Variants in DDTL observed in about 807,000 individuals in gnomAD.
DDTL encodes D-dopachrome tautomerase like, also known as putative D-dopachrome decarboxylase-like protein.
Under a neutral mutation model 1.1 loss-of-function variants are expected in DDTL, and 1 was observed. The observed-to-expected ratio is 0.91, with a 90% CI of 0.32 to 4.31. DDTL has a LOEUF of 4.31. Ranked by LOEUF, DDTL falls within the 30% of genes most tolerant of loss-of-function variation. The pLI, the probability that DDTL is intolerant of heterozygous loss-of-function variation, is 0.17. For synonymous variants in DDTL, 21 were observed against 16.6 expected, an observed-to-expected ratio of 1.26 and a Z score of -0.64; for missense variants, 54 against 48.9, an observed-to-expected ratio of 1.10 and a Z score of -0.31.
Position 23,971,320 on chromosome 22 carries a change from C to A in DDTL, c.319C>A (p.His107Asn). 1 of 1,614,052 alleles carries A rather than the reference C, an allele frequency of 6.2e-7. No homozygotes were observed. The highest frequency in any genetic ancestry group is 8.5e-7 in the Non-Finnish European group (1 of 1,179,978). Residue 107 changes from histidine to asparagine, a missense_variant, in exon 3 of 3, where the codon CAT becomes AAT. Coordinates refer to ENST00000215770, the MANE Select transcript of DDTL (RefSeq NM_001084393.2). ...GGTCTTATCCACCAGCCCTGCTGCC[C>A]ATGGTGGCCCCAGATGCCCAGGAGA... ...PTVLSTSPAA[H>N]GGPRCPGEII... is the part of the protein sequence containing the mutation.
At chr22:23,969,373 G>A (rs963799449) in intron 2 of DDTL, 160 of 985,008 alleles carry the variant, frequency 1.6e-4, no homozygotes, top group Non-Finnish European at 1.9e-4. Flanking sequence ...TCCTTAGGGA[G>A]TCTGCAATTA....
Position 23,972,198 on chromosome 22 carries a change from T to C in DDTL, c.*792T>C, listed in dbSNP as rs2146210570. ...ATCTACCTCATGGGGATAGCATGTC[T>C]TGTCTGAGCAAAGGGAGAGTGGATA... is the stretch of plus-strand genomic sequence containing the variant. On this transcript the variant is annotated 3_prime_UTR_variant, in exon 3 of 3. Coordinates refer to ENST00000215770, the MANE Select transcript of DDTL (RefSeq NM_001084393.2). The C allele has an allele frequency of 1.1e-6, 1 of 888,578 alleles. No individual in the cohort carries two copies. Among genetic ancestry groups the C allele is most frequent in the South Asian group, 5.2e-5 (1 of 19,218 alleles). 55.0% of individuals were successfully genotyped at this position (888,578 alleles called of 1,614,324 possible). A position where few individuals can be genotyped will look rare whatever the true frequency, so the allele number is the denominator to read the frequency against.
intron 2 of DDTL, among the ~76,000 whole-genome samples, chr22:23,970,585 TGTGA>T (rs1281569019): frequency 1.3e-5 from 2 of 152,166 alleles, no homozygotes; most frequent in South Asian, 2.1e-4. Flanking sequence ...CTTTGTTGGA[TGTGA>T]GTGAATTATG....
intron 2 of DDTL, 46 bp from the exon 3 acceptor site, chr22:23,971,238 TGA>T (rs746168353): frequency 1.3e-6 from 2 of 1,563,196 alleles, no homozygotes; most frequent in East Asian, 2.2e-5. Flanking sequence ...GCCTCCAGGC[TGA>T]GTCTCCCAGC....
intron 2 of DDTL, chr22:23,969,550 G>A: frequency 2.0e-6 from 2 of 984,172 alleles, no homozygotes; most frequent in Non-Finnish European, 1.2e-6. Context: ...GTTGGGGAAT[G>A]CTCATTACCG....
At position 23,971,411 on chromosome 22, in the gene DDTL, G is replaced by A. The variant is rs776462946; in HGVS notation, c.*5G>A. ...CTCTTCATTTATTTCATATGAGGAT[G>A]AAGAAGAGGATTATGTGATCACAGG... is the stretch of plus-strand genomic sequence containing the variant. On this transcript the variant is annotated 3_prime_UTR_variant, in exon 3 of 3. Transcript: ENST00000215770. 6.2e-7 allele frequency: 1 copy of A among 1,613,020 alleles called. No individual in the cohort carries two copies. Among genetic ancestry groups the A allele is most frequent in the Non-Finnish European group, 8.5e-7 (1 of 1,179,424 alleles).
intron 2 of DDTL, 116 bp from the exon 3 acceptor site, chr22:23,971,170 C>T: frequency 2.7e-6 from 4 of 1,471,598 alleles, no homozygotes. Flanking sequence ...AGGAAGGCCC[C>T]AGCTGGACCA....
At position 23,972,331 on chromosome 22, in the gene DDTL, T is replaced by G; in HGVS notation, c.*925T>G. On this transcript the variant is annotated 3_prime_UTR_variant, in exon 3 of 3. Coordinates refer to ENST00000215770, the MANE Select transcript of DDTL (RefSeq NM_001084393.2). ...TTAGAGTAACAGTTTTCCCTGAGTA[T>G]CCGTGGGAGATTTGTTCTAGAATCC... 1.7e-6 allele frequency: 1 copy of G among 592,362 alleles called. No individual in the cohort carries two copies. Among genetic ancestry groups the G allele is most frequent in the Non-Finnish European group, 2.1e-6 (1 of 473,690 alleles). The allele number at this position is 592,362 out of a possible 1,614,324, so 36.7% of individuals were successfully genotyped here. A position where few individuals can be genotyped will look rare whatever the true frequency, so the allele number is the denominator to read the frequency against.
intron 2 of DDTL, among the ~76,000 whole-genome samples, chr22:23,970,313 A>G (rs554976292): frequency 1.3e-5 from 2 of 151,996 alleles, no homozygotes; most frequent in East Asian, 3.9e-4. Context: ...TATGTGTGTG[A>G]TGTGAGTGAA....
At chr22:23,969,326 C>T in intron 2 of DDTL, 1 of 985,386 alleles carries the variant, frequency 1.0e-6, no homozygotes, top group Non-Finnish European at 1.2e-6. Flanking sequence ...CCACCCTGTG[C>T]CCAACCTTTG....
At chr22:23,969,462 TTGAG>T (rs2033860238) in intron 2 of DDTL, 4 of 986,338 alleles carry the variant, frequency 4.1e-6, no homozygotes, top group East Asian at 1.1e-4. Flanking sequence ...GGCTACTGTG[TTGAG>T]TGTCTGTCCT....
rs79213832 is a variant in DDTL, at chr22:23,971,765, A to G, written c.*359A>G. ...GCATTTTGCAAACCTGCTCATCCCAATAATGATTTTCCCCAACCCCCAGCA... is the reference window on the plus strand; with the variant it reads ...GCATTTTGCAAACCTGCTCATCCCAGTAATGATTTTCCCCAACCCCCAGCA... On this transcript the variant is annotated 3_prime_UTR_variant, in exon 3 of 3. Coordinates refer to ENST00000215770, the MANE Select transcript of DDTL (RefSeq NM_001084393.2). The G allele has an allele frequency of 0.078, 55,682 of 716,504 alleles. 3,275 individuals carry two copies. Among genetic ancestry groups the G allele is most frequent in the African/African-American group, 0.25 (13,783 of 55,884 alleles). The allele number at this position is 716,504 out of a possible 1,614,324, so 44.4% of individuals were successfully genotyped here. A position where few individuals can be genotyped will look rare whatever the true frequency, so the allele number is the denominator to read the frequency against.
At position 23,972,315 on chromosome 22, in the gene DDTL, C is replaced by T; in HGVS notation, c.*909C>T. 2 of 768,178 alleles carry T rather than the reference C, an allele frequency of 2.6e-6. No individual in the cohort carries two copies. Among genetic ancestry groups the T allele is most frequent in the Non-Finnish European group, 3.2e-6 (2 of 634,450 alleles). 47.6% of individuals were successfully genotyped at this position (768,178 alleles called of 1,614,324 possible). A position where few individuals can be genotyped will look rare whatever the true frequency, so the allele number is the denominator to read the frequency against. On this transcript the variant is annotated 3_prime_UTR_variant, in exon 3 of 3. Transcript: ENST00000215770. ...TGTATAACACTTGTTGTTAGAGTAA[C>T]AGTTTTCCCTGAGTATCCGTGGGAG...
intron 2 of DDTL, among the ~76,000 whole-genome samples, chr22:23,970,265 CTGTG>C (rs891675369): frequency 1.3e-4 from 19 of 151,974 alleles, no homozygotes; most frequent in East Asian, 1.9e-4. Context: ...TGTCAGTGAA[CTGTG>C]TGTGAGTGAA....
Position 23,971,541 on chromosome 22 carries a change from C to T in DDTL, c.*135C>T. 6.2e-7 allele frequency: 1 copy of T among 1,614,012 alleles called. No homozygotes were observed. The highest frequency in any genetic ancestry group is 2.2e-5 in the East Asian group (1 of 44,876). On this transcript the variant is annotated 3_prime_UTR_variant, in exon 3 of 3. Transcript: ENST00000215770. ...CAGTTCACAGATGCCCTGGATCCCT[C>T]CGTGCCCAATCATAAAAAAGTCATG...
intron 2 of DDTL, chr22:23,969,939 GAACT>G (rs375126783): frequency 1.4e-5 from 11 of 811,398 alleles, no homozygotes; most frequent in African/African-American, 1.3e-4. Flanking sequence ...GACCTCGGCT[GAACT>G]AACTGTGGTG....
chr22:23,969,748 G>C, intron 2 of DDTL: 1 of 984,964 alleles, frequency 1.0e-6, no homozygotes, highest in Non-Finnish European at 1.2e-6. Context: ...AGGCCCAGGA[G>C]GTCGAGGCTG....
Position 23,970,844 on chromosome 22 carries a change from A to G in DDTL, c.285-442A>G, listed in dbSNP as rs117681143. ...TGGGGACCCCTGGGCTGGAAAGGTTATGAAAAGTGGTGCTACTGCCAGGAA... is the reference window on the plus strand; with the variant it reads ...TGGGGACCCCTGGGCTGGAAAGGTTGTGAAAAGTGGTGCTACTGCCAGGAA... On this transcript the variant is annotated intron_variant, in intron 2 of 2. Coordinates refer to ENST00000215770, the MANE Select transcript of DDTL (RefSeq NM_001084393.2). Among the ~76,000 whole-genome samples the G allele has an allele frequency of 3.1e-3, 474 of 152,174 alleles. 6 individuals carry two copies. The highest frequency in any genetic ancestry group is 0.031 in the East Asian group (159 of 5,170).
At chr22:23,970,197 G>A (rs1459951777) in intron 2 of DDTL, among the ~76,000 whole-genome samples, 1 of 152,196 alleles carries the variant, frequency 6.6e-6, no homozygotes, top group Non-Finnish European at 1.5e-5. Flanking sequence ...GCAAGGTGAG[G>A]ACTGGCTTTT....
Sources: allele counts gnomAD v4.1 joint callset (sites outside exome capture counted in the v4.1 genomes callset), GRCh38; gene constraint gnomAD v4.1.1; transcripts MANE v1.5; gene names NCBI Gene and HGNC (gene_info 2026-07-23, HGNC 2026-07-21).